The following MYH9 variants were observed in gnomAD, a reference collection of about 807,000 sequenced individuals.
The protein encoded by MYH9 is myosin heavy chain 9.
A neutral mutation model predicts 241.9 loss-of-function variants in MYH9; 29 were observed. That is an observed-to-expected ratio of 0.12 (90% CI 0.09 to 0.16). The LOEUF is 0.16. Ranked by LOEUF, MYH9 falls within the 10% of genes least tolerant of loss-of-function variation. The pLI, the probability that MYH9 is intolerant of heterozygous loss-of-function variation, is 1.00. For missense variants in MYH9, 1,803 were observed against 2,595.5 expected, an observed-to-expected ratio of 0.69 and a Z score of 6.63; for synonymous variants, 1,047 against 1,062.6, an observed-to-expected ratio of 0.99 and a Z score of 0.29.
At chr22:36,319,661 A>G in intron 9 of MYH9, 26 bp from the exon 10 acceptor site, 1 of 1,609,262 alleles carries the variant, frequency 6.2e-7, no homozygotes, top group Non-Finnish European at 8.5e-7. Context: ...GAGGCAGCTC[A>G]GAAGCAGACA....
chr22:36,310,366 C>G (rs2146352872), intron 14 of MYH9, among the ~76,000 whole-genome samples: 1 of 152,276 alleles, frequency 6.6e-6, no homozygotes, highest in East Asian at 1.9e-4. Context: ...TTGGCCTCCC[C>G]AAGTGTTGGG....
chr22:36,305,974 G>A lies in MYH9; in HGVS notation c.2115C>T (p.Arg705=), dbSNP rs372243275. 1.8e-5 allele frequency: 29 copies of A among 1,613,568 alleles called. No individual in the cohort carries two copies. In the African/African-American group the frequency reaches 2.7e-4, roughly 15 times the overall value. ...NGVLEGIRIC[R]QGFPNRVVFQ... is the part of the protein sequence containing the mutation. ...AGACCACCCTGTTGGGGAAGCCCTG[G>A]CGGCAGATACGGATGCCCTCGAGAA... Residue 705 remains arginine (R), a synonymous_variant, in exon 17 of 41, where the codon CGC becomes CGT. Coordinates refer to ENST00000216181, the MANE Select transcript of MYH9 (RefSeq NM_002473.6). This position sits in a 1 kb window ranked among gnomAD's most constrained non-coding sequence, Gnocchi z 4.7.
Position 36,320,422 on chromosome 22 carries a change from AGC to A in MYH9, c.869-61_869-60del. On this transcript the variant is annotated intron_variant, in intron 8 of 40. Transcript: ENST00000216181. The surrounding 1 kb of genome is among the most constrained non-coding windows in gnomAD (Gnocchi z 4.8). ...AGGTGCTGAAAGTGGAGGCTCCATC[AGC>A]GCTGTGACCTCAAAGGTTGGAGAGA... 1 of 1,600,318 alleles carries A rather than the reference AGC, an allele frequency of 6.2e-7. No homozygotes were observed. Among genetic ancestry groups the A allele is most frequent in the Non-Finnish European group, 8.5e-7 (1 of 1,176,626 alleles).
At chr22:36,341,301 C>T in intron 3 of MYH9, 69 bp downstream of exon 3, 1 of 1,594,212 alleles carries the variant, frequency 6.3e-7, no homozygotes, top group Non-Finnish European at 8.6e-7. Flanking sequence ...TGACTTAGCA[C>T]CTGCAAAGGT....
chr22:36,344,754 G>A (rs560749139), intron 2 of MYH9, among the ~76,000 whole-genome samples: 7 of 152,222 alleles, frequency 4.6e-5, no homozygotes, highest in Admixed American at 6.5e-5. Context: ...ATGGAAAGAC[G>A]CAGCCACTAA....
rs767619129 is a variant in MYH9, at chr22:36,330,501, T to C, written c.491-3013A>G. Among the ~76,000 whole-genome samples, 4 of 152,238 alleles carry C rather than the reference T, an allele frequency of 2.6e-5. No homozygotes were observed. The highest frequency in any genetic ancestry group is 5.9e-5 in the Non-Finnish European group (4 of 68,032). On this transcript the variant is annotated intron_variant, in intron 3 of 40. Coordinates refer to ENST00000216181, the MANE Select transcript of MYH9 (RefSeq NM_002473.6). This position sits in a 1 kb window ranked among gnomAD's most constrained non-coding sequence, Gnocchi z 4.5. ...GTATTATCATCATTGTTTTGCCATCTTTCCACACAGCGGTTCTTCTGGATT... is the reference window on the plus strand; with the variant it reads ...GTATTATCATCATTGTTTTGCCATCCTTCCACACAGCGGTTCTTCTGGATT...
intron 11 of MYH9, among the ~76,000 whole-genome samples, chr22:36,317,792 C>G (rs1405228555): frequency 1.3e-5 from 2 of 152,254 alleles, no homozygotes; most frequent in Non-Finnish European, 2.9e-5. Context: ...CCCAAGGCAG[C>G]AGGTGGTAGA....
At chr22:36,314,433 C>A (rs759914249) in intron 12 of MYH9, 115 bp from the exon 13 acceptor site, 6 of 1,293,940 alleles carry the variant, frequency 4.6e-6, no homozygotes, top group Non-Finnish European at 6.5e-6. Flanking sequence ...TTGGGCACCT[C>A]CATGCCGCTG....
intron 1 of MYH9, among the ~76,000 whole-genome samples, chr22:36,366,034 A>G (rs2018005015): frequency 6.6e-6 from 1 of 152,034 alleles, no homozygotes; most frequent in Non-Finnish European, 1.5e-5. Flanking sequence ...CTAAAAATAC[A>G]AAAATTAGCC....
rs1256316012 is a variant in MYH9, at chr22:36,306,674, G to GGA, written c.1844-69_1844-68dup. 4 of 1,473,142 alleles carry GGA rather than the reference G, an allele frequency of 2.7e-6. No individual in the cohort carries two copies. The highest frequency in any genetic ancestry group is 2.8e-5 in the African/African-American group (2 of 72,042). 91.3% of individuals were successfully genotyped at this position (1,473,142 alleles called of 1,614,324 possible). A position where few individuals can be genotyped will look rare whatever the true frequency, so the allele number is the denominator to read the frequency against. On this transcript the variant is annotated intron_variant, in intron 15 of 40. Coordinates refer to ENST00000216181, the MANE Select transcript of MYH9 (RefSeq NM_002473.6). The surrounding 1 kb of genome is among the most constrained non-coding windows in gnomAD (Gnocchi z 4.1). ...CAGCTGGGTGGTGGGGGAGCACGTA[G>GGA]GAGAGAGAGACAGGCACACGTCGGA...
Position 36,300,397 on chromosome 22 carries a change from G to T in MYH9, c.2839-133C>A. 1.5e-6 allele frequency: 2 copies of T among 1,348,316 alleles called. No individual in the cohort carries two copies. The highest frequency in any genetic ancestry group is 2.4e-5 in the East Asian group (1 of 41,730). 83.5% of individuals were successfully genotyped at this position (1,348,316 alleles called of 1,614,324 possible). The stretch of plus-strand genomic sequence containing the variant: ...GGTCTGTGAGCCCAGGGCCATGGCT[G>T]AGGTGGGGACGGCAAGGTCCGCCAG... On this transcript the variant is annotated intron_variant, in intron 22 of 40. Coordinates refer to ENST00000216181, the MANE Select transcript of MYH9 (RefSeq NM_002473.6). The surrounding 1 kb of genome is among the most constrained non-coding windows in gnomAD (Gnocchi z 5.0).
At chr22:36,321,655 C>T (rs948792314) in intron 7 of MYH9, 103 bp downstream of exon 7, 7 of 1,098,374 alleles carry the variant, frequency 6.4e-6, no homozygotes, top group South Asian at 5.0e-5. Context: ...AGGATGGGCC[C>T]ATAAAGGGGA....
At chr22:36,339,565 C>A (rs2017550367) in intron 3 of MYH9, among the ~76,000 whole-genome samples, 1 of 152,224 alleles carries the variant, frequency 6.6e-6, no homozygotes, top group Non-Finnish European at 1.5e-5. Context: ...ATGCATCAAG[C>A]TCAACAGTAA....
rs1311328061 is a variant in MYH9, at chr22:36,294,000, G to C, written c.3837+92C>G. On this transcript the variant is annotated intron_variant, in intron 28 of 40. Coordinates refer to ENST00000216181, the MANE Select transcript of MYH9 (RefSeq NM_002473.6). The surrounding 1 kb of genome is among the most constrained non-coding windows in gnomAD (Gnocchi z 5.1). ...TCTGAGGAGCCAGTTTGAGAAGAGA[G>C]AGAGACAGAGAGCACACATGCACCT... 2 of 1,501,972 alleles carry C rather than the reference G, an allele frequency of 1.3e-6. No homozygotes were observed. Among genetic ancestry groups the C allele is most frequent in the Non-Finnish European group, 1.8e-6 (2 of 1,093,446 alleles). 93.0% of individuals were successfully genotyped at this position (1,501,972 alleles called of 1,614,324 possible). A position where few individuals can be genotyped will look rare whatever the true frequency, so the allele number is the denominator to read the frequency against.
chr22:36,286,927 G>A (rs2016596205), intron 34 of MYH9, 81 bp from the exon 35 acceptor site: 3 of 1,588,788 alleles, frequency 1.9e-6, no homozygotes, highest in Non-Finnish European at 2.6e-6. Flanking sequence ...CTCGCCAACA[G>A]GGCTCATGGC....
At chr22:36,353,403 C>T (rs1174963996) in intron 1 of MYH9, among the ~76,000 whole-genome samples, 3 of 152,092 alleles carry the variant, frequency 2.0e-5, no homozygotes, top group African/African-American at 4.8e-5. Flanking sequence ...CTCTGTTGCC[C>T]AGGCTGGAGT....
At position 36,282,867 on chromosome 22, in the gene MYH9, T is replaced by G. The variant is rs143762624; in HGVS notation, c.5766-82A>C. On this transcript the variant is annotated intron_variant, in intron 40 of 40. Coordinates refer to ENST00000216181, the MANE Select transcript of MYH9 (RefSeq NM_002473.6). ...ACAGCACAGCCCACACATCTCAAAGTGAATTCGAGAGGGAAACCAGGTGCC... is the reference window on the plus strand; with the variant it reads ...ACAGCACAGCCCACACATCTCAAAGGGAATTCGAGAGGGAAACCAGGTGCC... The G allele has an allele frequency of 3.2e-6, 4 of 1,262,746 alleles. No homozygotes were observed. The East Asian group carries it at 1.0e-4, about 32-fold the overall frequency. The allele number at this position is 1,262,746 out of a possible 1,614,324, so 78.2% of individuals were successfully genotyped here. A position where few individuals can be genotyped will look rare whatever the true frequency, so the allele number is the denominator to read the frequency against.
Position 36,285,626 on chromosome 22 carries a change from G to A in MYH9, c.5274+32C>T. The A allele has an allele frequency of 1.2e-6, 2 of 1,611,124 alleles. No individual in the cohort carries two copies. Among genetic ancestry groups the A allele is most frequent in the Non-Finnish European group, 1.7e-6 (2 of 1,179,982 alleles). ...AGCTCTGCCGTGGTGGCTCCAGCCA[G>A]AGCCCAGAGTGGGAGAAGTCCTGGC... On this transcript the variant is annotated intron_variant, in intron 37 of 40. Transcript: ENST00000216181. The surrounding 1 kb of genome is among the most constrained non-coding windows in gnomAD (Gnocchi z 7.0).
chr22:36,360,720 A>T (rs1274962055), intron 1 of MYH9, among the ~76,000 whole-genome samples: 1 of 151,946 alleles, frequency 6.6e-6, no homozygotes, highest in Non-Finnish European at 1.5e-5. Flanking sequence ...CTCAAAAAAA[A>T]AAAAAAGAAA....
Sources: allele counts gnomAD v4.1 joint callset (sites outside exome capture counted in the v4.1 genomes callset), GRCh38; gene constraint gnomAD v4.1.1; non-coding constraint Gnocchi (gnomAD v3.1); transcripts MANE v1.5; gene names NCBI Gene and HGNC (gene_info 2026-07-23, HGNC 2026-07-21).